Variants in CSMD1 observed in about 807,000 individuals in gnomAD.
CSMD1 encodes the protein CUB and Sushi multiple domains 1.
CSMD1 carries 213 observed loss-of-function variants against 417.5 expected under a neutral mutation model. The observed-to-expected ratio is 0.51, with a 90% confidence interval of 0.46 to 0.57. The LOEUF (loss-of-function observed/expected upper bound fraction) is 0.57. CSMD1 is among the 20% of genes least tolerant of loss of function. The probability of loss-of-function intolerance (pLI) is 0.00; values close to 1 mark genes in which losing one functional copy is unlikely to be tolerated. For synonymous variants in CSMD1, 2,862 were observed against 1,736.8 expected, an observed-to-expected ratio of 1.65 and a Z score of -16.11; for missense variants, 6,923 against 4,529.7, an observed-to-expected ratio of 1.53 and a Z score of -15.17.
chr8:3,897,841 G>A (rs747619755), intron 5 of CSMD1, among the ~76,000 whole-genome samples: 1 of 152,142 alleles, frequency 6.6e-6, no homozygotes, highest in Non-Finnish European at 1.5e-5. Flanking sequence ...ATTAGCCTGA[G>A]GATATTAAAG....
intron 8 of CSMD1, among the ~76,000 whole-genome samples, chr8:3,610,909 T>C (rs149278722): frequency 6.6e-6 from 1 of 151,748 alleles, no homozygotes; most frequent in East Asian, 2.0e-4. Flanking sequence ...GAAACAATGA[T>C]GGGAAAAACT....
At chr8:3,692,410 G>A (rs1338650786) in intron 7 of CSMD1, among the ~76,000 whole-genome samples, 7 of 151,578 alleles carry the variant, frequency 4.6e-5, no homozygotes, top group South Asian at 4.2e-4. Flanking sequence ...TGCCTCCTTC[G>A]ACCTAAGCCA....
intron 3 of CSMD1, among the ~76,000 whole-genome samples, chr8:4,046,483 C>T (rs775204453): frequency 1.9e-4 from 29 of 152,292 alleles, no homozygotes; most frequent in South Asian, 1.0e-3. Flanking sequence ...AAGAGTCTTT[C>T]GGAAAGGATA....
At chr8:4,727,074 G>T (rs998352776) in intron 1 of CSMD1, among the ~76,000 whole-genome samples, 1 of 152,026 alleles carries the variant, frequency 6.6e-6, no homozygotes, top group African/African-American at 2.4e-5. Context: ...TGATGTCAGG[G>T]CTTTCTACCG....
At chr8:4,666,438 G>C (rs1044972360) in intron 1 of CSMD1, among the ~76,000 whole-genome samples, 1 of 152,052 alleles carries the variant, frequency 6.6e-6, no homozygotes, top group African/African-American at 2.4e-5. Context: ...AACAGCACAG[G>C]AGACAAGCAA....
intron 5 of CSMD1, among the ~76,000 whole-genome samples, chr8:3,790,475 G>C (rs1321957431): frequency 6.6e-6 from 1 of 152,172 alleles, no homozygotes. Context: ...TGATGGTGAT[G>C]CTAATGATGA....
chr8:4,217,089 A>T (rs1375015163), intron 3 of CSMD1, among the ~76,000 whole-genome samples: 6 of 152,176 alleles, frequency 3.9e-5, no homozygotes, highest in Non-Finnish European at 8.8e-5. Context: ...AATATAGTAG[A>T]TAGGGGCTGA....
chr8:3,694,019 ATGTGTTGTGTG>A (rs112638404), intron 7 of CSMD1, among the ~76,000 whole-genome samples: 139,357 of 150,694 alleles, frequency 0.92, 64,452 homozygotes, highest in East Asian at 0.99. Flanking sequence ...TTGGGGTATT[ATGTGTTGTGTG>A]TGTGTTGGGT....
intron 10 of CSMD1, among the ~76,000 whole-genome samples, chr8:3,496,066 TTCCCGAAATAGGC>T (rs1483211079): frequency 6.6e-6 from 1 of 152,080 alleles, no homozygotes; most frequent in African/African-American, 2.4e-5. Context: ...CCAACCAATG[TTCCCGAAATAGGC>T]TCCGATGTGT....
intron 10 of CSMD1, among the ~76,000 whole-genome samples, chr8:3,521,610 A>T (rs1301599667): frequency 6.6e-6 from 1 of 152,214 alleles, no homozygotes; most frequent in African/African-American, 2.4e-5. Context: ...GTTTAGCTAA[A>T]TCCCTTGTAC....
At chr8:4,147,107 C>T (rs933283574) in intron 3 of CSMD1, among the ~76,000 whole-genome samples, 4 of 151,898 alleles carry the variant, frequency 2.6e-5, no homozygotes, top group African/African-American at 9.7e-5. Flanking sequence ...TTAGAACCAT[C>T]CCCTCCTGAC....
intron 3 of CSMD1, among the ~76,000 whole-genome samples, chr8:4,273,400 C>G (rs796664810): frequency 2.0e-5 from 3 of 151,968 alleles, no homozygotes; most frequent in East Asian, 3.9e-4. Flanking sequence ...ATCAGATAAC[C>G]GGTGCAACCC....
At chr8:3,450,814 C>A (rs1485406351) in intron 12 of CSMD1, among the ~76,000 whole-genome samples, 1 of 151,844 alleles carries the variant, frequency 6.6e-6, no homozygotes, top group Non-Finnish European at 1.5e-5. Flanking sequence ...ATTTATAATC[C>A]TTTGGGTATA....
intron 1 of CSMD1, among the ~76,000 whole-genome samples, chr8:4,942,667 G>C (rs1332105637): frequency 6.6e-6 from 1 of 152,116 alleles, no homozygotes; most frequent in African/African-American, 2.4e-5. Context: ...ACACATGTGA[G>C]TCACCGCATA....
intron 1 of CSMD1, among the ~76,000 whole-genome samples, chr8:4,950,864 G>A (rs141357543): frequency 4.9e-4 from 75 of 151,986 alleles, no homozygotes; most frequent in Middle Eastern, 3.4e-3. Context: ...ACCCTACCTT[G>A]GCTTAAGAAA....
At chr8:4,457,260 T>G (rs1452967637) in intron 2 of CSMD1, among the ~76,000 whole-genome samples, 1 of 152,178 alleles carries the variant, frequency 6.6e-6, no homozygotes, top group Non-Finnish European at 1.5e-5. Context: ...TTTACCTGTT[T>G]GCCCATCTTA....
intron 8 of CSMD1, among the ~76,000 whole-genome samples, chr8:3,602,597 T>A (rs921711442): frequency 2.6e-5 from 4 of 152,102 alleles, no homozygotes; most frequent in Non-Finnish European, 5.9e-5. Flanking sequence ...TTTTGCAGAA[T>A]CTTATTCTAA....
At chr8:4,298,800 T>C (rs1239222722) in intron 3 of CSMD1, among the ~76,000 whole-genome samples, 1 of 152,064 alleles carries the variant, frequency 6.6e-6, no homozygotes, top group Non-Finnish European at 1.5e-5. Flanking sequence ...AATGTGTTTG[T>C]AAAATACATG....
At chr8:3,173,841 T>A (rs1187682372) in intron 37 of CSMD1, among the ~76,000 whole-genome samples, 1 of 152,230 alleles carries the variant, frequency 6.6e-6, no homozygotes, top group African/African-American at 2.4e-5. Flanking sequence ...CATGTATTAA[T>A]AATTTGAATG....
Sources: gnomAD v4.1 joint callset for allele counts (sites outside exome capture counted in the v4.1 genomes callset) on GRCh38, gnomAD v4.1.1 for gene constraint, MANE v1.5 for transcripts, NCBI Gene and HGNC (gene_info 2026-07-23, HGNC 2026-07-21) for gene names.